The following FER variants were observed in gnomAD, a reference collection of about 807,000 sequenced individuals.
FER encodes the protein tyrosine-protein kinase Fer.
FER carries 63 observed loss-of-function variants against 111.0 expected under a neutral mutation model. The observed-to-expected ratio is 0.57, with a 90% confidence interval of 0.46 to 0.70. FER has a LOEUF of 0.70. FER is among the 30% of genes least tolerant of loss of function. The pLI is 0.00. For missense variants in FER, 914 were observed against 954.0 expected, an observed-to-expected ratio of 0.96 and a Z score of 0.55; for synonymous variants, 327 against 313.9, an observed-to-expected ratio of 1.04 and a Z score of -0.44.
At chr5:109,062,552 T>C (rs1561845662) in intron 16 of FER, among the ~76,000 whole-genome samples, 1 of 151,866 alleles carries the variant, frequency 6.6e-6, no homozygotes, top group Non-Finnish European at 1.5e-5. Context: ...TATATAACAA[T>C]ATATATTATG....
chr5:108,973,169 A>T (rs190160131), intron 13 of FER, among the ~76,000 whole-genome samples: 7 of 152,276 alleles, frequency 4.6e-5, no homozygotes, highest in Admixed American at 3.9e-4. Flanking sequence ...CCATTTGAAA[A>T]GTGAGAATGA....
intron 5 of FER, among the ~76,000 whole-genome samples, chr5:108,865,356 T>C (rs923483800): frequency 1.3e-5 from 2 of 152,176 alleles, no homozygotes; most frequent in Admixed American, 6.6e-5. Flanking sequence ...TTCCTTCTCC[T>C]GCCTGATTGC....
intron 5 of FER, among the ~76,000 whole-genome samples, chr5:108,838,726 A>G (rs1331098433): frequency 1.3e-5 from 2 of 152,252 alleles, no homozygotes; most frequent in African/African-American, 2.4e-5. Flanking sequence ...TGAATTTAGC[A>G]TCATTTTAAT....
At chr5:109,146,705 C>T (rs1754258632) in intron 17 of FER, among the ~76,000 whole-genome samples, 1 of 151,884 alleles carries the variant, frequency 6.6e-6, no homozygotes, top group Non-Finnish European at 1.5e-5. Context: ...AGTGACACAT[C>T]GATTTGAATG....
chr5:108,865,059 G>A (rs1357705049), intron 5 of FER, among the ~76,000 whole-genome samples: 4 of 152,150 alleles, frequency 2.6e-5, no homozygotes, highest in Non-Finnish European at 5.9e-5. Context: ...TGTTCTCCTT[G>A]AAGAGGTCCT....
At chr5:109,184,996 C>T (rs976416617) in intron 18 of FER, among the ~76,000 whole-genome samples, 3 of 152,182 alleles carry the variant, frequency 2.0e-5, no homozygotes, top group Admixed American at 6.5e-5. Flanking sequence ...AAATCTTTAA[C>T]ACCACTGTAA....
chr5:109,176,094 G>A (rs1382913667), intron 17 of FER, among the ~76,000 whole-genome samples: 2 of 152,004 alleles, frequency 1.3e-5, no homozygotes, highest in East Asian at 3.9e-4. Flanking sequence ...ATGGAAAACA[G>A]TGGGGAAGTT....
intron 3 of FER, among the ~76,000 whole-genome samples, chr5:108,806,946 G>A (rs112402494): frequency 5.5e-4 from 83 of 152,206 alleles, no homozygotes; most frequent in African/African-American, 1.5e-3. Context: ...TGAGATTTGG[G>A]AGGGGTCCAG....
chr5:109,169,317 T>C (rs956375824), intron 17 of FER, among the ~76,000 whole-genome samples: 2 of 152,128 alleles, frequency 1.3e-5, no homozygotes, highest in African/African-American at 2.4e-5. Flanking sequence ...AAAGAAAATA[T>C]ATAGAGACAG....
intron 13 of FER, chr5:109,014,770 T>G (rs1766816858): frequency 6.6e-6 from 1 of 152,186 alleles, no homozygotes; most frequent in Non-Finnish European, 1.5e-5. Flanking sequence ...AGCAGTGGTT[T>G]GTAGTTCTCC....
In FER at chr5:109,193,815, G is replaced by A. The variant is rs1039537233; in HGVS notation, c.*6240G>A. 5.3e-5 allele frequency: 8 copies of A among 152,068 alleles called. No homozygotes were observed. The highest frequency in any genetic ancestry group is 1.5e-5 in the Non-Finnish European group (1 of 68,022). 9.4% of individuals were successfully genotyped at this position (152,068 alleles called of 1,614,324 possible). A position where few individuals can be genotyped will look rare whatever the true frequency, so the allele number is the denominator to read the frequency against. ...TGGTTTCAATCAAAGTTTCTCCTCAGGTACTTGGGGGCCCCTAGCCTTCTA... is the reference window on the plus strand; with the variant it reads ...TGGTTTCAATCAAAGTTTCTCCTCAAGTACTTGGGGGCCCCTAGCCTTCTA... On this transcript the variant is annotated 3_prime_UTR_variant, in exon 20 of 20. Coordinates refer to ENST00000281092, the MANE Select transcript of FER (RefSeq NM_005246.4).
At chr5:109,174,151 G>A (rs1444049140) in intron 17 of FER, among the ~76,000 whole-genome samples, 1 of 152,164 alleles carries the variant, frequency 6.6e-6, no homozygotes, top group East Asian at 1.9e-4. Context: ...CCAGAGAGAG[G>A]TATGAAGTGC....
intron 10 of FER, among the ~76,000 whole-genome samples, chr5:108,931,320 T>C (rs1754640527): frequency 6.6e-6 from 1 of 152,210 alleles, no homozygotes; most frequent in Admixed American, 6.5e-5. Context: ...TTTTTCCATG[T>C]ATTTTTTTTT....
At chr5:109,064,026 T>C (rs1198513934) in intron 16 of FER, among the ~76,000 whole-genome samples, 1 of 152,210 alleles carries the variant, frequency 6.6e-6, no homozygotes, top group Non-Finnish European at 1.5e-5. Context: ...TAATGTATTT[T>C]CAAAACAACA....
At chr5:109,145,035 GTT>G (rs375509776) in intron 17 of FER, among the ~76,000 whole-genome samples, 1 of 142,568 alleles carries the variant, frequency 7.0e-6, no homozygotes, top group African/African-American at 2.6e-5. Flanking sequence ...TTCTTTAGTT[GTT>G]TTTTTTTTTA....
At chr5:108,883,373 A>G (rs781702694) in intron 8 of FER, 23 bp from the exon 9 acceptor site, 17 of 1,572,500 alleles carry the variant, frequency 1.1e-5, no homozygotes, top group South Asian at 4.7e-5. Flanking sequence ...GTTGGTTGTT[A>G]TTGAGGATAC....
At chr5:109,058,628 A>G (rs1398805626) in intron 16 of FER, among the ~76,000 whole-genome samples, 1 of 151,658 alleles carries the variant, frequency 6.6e-6, no homozygotes, top group Non-Finnish European at 1.5e-5. Flanking sequence ...AGTTATATAT[A>G]ACTTTCTAAT....
At chr5:109,167,362 C>G (rs549102228) in intron 17 of FER, among the ~76,000 whole-genome samples, 21 of 152,222 alleles carry the variant, frequency 1.4e-4, no homozygotes, top group African/African-American at 5.1e-4. Context: ...GTGTATATGT[C>G]AGTCAATAAC....
chr5:109,031,431 G>T (rs1769596098), intron 13 of FER, among the ~76,000 whole-genome samples: 1 of 152,076 alleles, frequency 6.6e-6, no homozygotes, highest in Non-Finnish European at 1.5e-5. Flanking sequence ...TTAATTGTTT[G>T]TTTGGATGCT....
Sources: allele counts gnomAD v4.1 joint callset (sites outside exome capture counted in the v4.1 genomes callset), GRCh38; gene constraint gnomAD v4.1.1; transcripts MANE v1.5; gene names NCBI Gene and HGNC (gene_info 2026-07-23, HGNC 2026-07-21).